UPF3B: variants seen among roughly 807,000 people sequenced by gnomAD.
UPF3B encodes the protein regulator of nonsense transcripts 3B.
Under a neutral mutation model 40.3 loss-of-function variants are expected in UPF3B, and 7 were observed. That is an observed-to-expected ratio of 0.17 (90% CI 0.10 to 0.33). UPF3B has a LOEUF of 0.33. Among genes scored for constraint, UPF3B ranks in the 10% least tolerant of loss-of-function variants. The pLI, the probability that UPF3B is intolerant of heterozygous loss-of-function variation, is 1.00. For missense variants in UPF3B, 229 were observed against 358.9 expected, an observed-to-expected ratio of 0.64 and a Z score of 2.93; for synonymous variants, 117 against 117.3, an observed-to-expected ratio of 1.00 and a Z score of 0.01.
rs771710846 is a variant in UPF3B, at chrX:119,842,670, A to C, written c.580+521T>G. On this transcript the variant is annotated intron_variant, in intron 5 of 10. Coordinates refer to ENST00000276201, the MANE Select transcript of UPF3B (RefSeq NM_080632.3). ...GAGCAAGCAAGCAAAAAAAACAAAC[A>C]AACAAACAAAAAAACCCCACATATT... Among the ~76,000 whole-genome samples the C allele has an allele frequency of 7.3e-5, 8 of 110,000 alleles. No homozygotes were observed. In the South Asian group the frequency reaches 3.1e-3, roughly 43 times the overall value.
At chrX:119,832,690 T>G, downstream of UPF3B, among the ~76,000 whole-genome samples, 1 of 111,342 alleles carries the variant, frequency 9.0e-6, no homozygotes, top group Non-Finnish European at 1.9e-5. Context: ...TAATAAATTT[T>G]TGTAGTATAA....
downstream of UPF3B, among the ~76,000 whole-genome samples, chrX:119,832,642 T>G (rs1246330647): frequency 9.0e-6 from 1 of 111,504 alleles, no homozygotes; most frequent in Non-Finnish European, 1.9e-5. Flanking sequence ...ATTTACCAAG[T>G]GTAATCTTGG....
At position 119,809,469 on chromosome X, in the gene UPF3B, C is replaced by T. The variant is rs749875590; in HGVS notation, c.603-1888G>A. ...GGCATGGTGACTCACCCCTGTAATC[C>T]CAGCACTTTGGGAAGCTGAGACTGG... On this transcript the variant is annotated intron_variant, in intron 5 of 6. Transcript: ENST00000636792. 1.8e-4 allele frequency among the ~76,000 whole-genome samples: 20 copies of T among 112,004 alleles called. No individual in the cohort carries two copies. The Admixed American group carries it at 1.8e-3, about 10-fold the overall frequency.
rs1369224722 is a variant in UPF3B at position 119,838,532 on chromosome X, A to C, written c.847-5T>G. On this transcript the variant is annotated splice_region_variant and splice_polypyrimidine_tract_variant and intron_variant, in intron 8 of 10. Transcript: ENST00000276201. ...TTTTTCTGGCTTCTTGAGCAGCTTT[A>C]AAGATAAAATGTTTATTTTTATTTT... is the stretch of plus-strand genomic sequence containing the variant. 8.3e-7 allele frequency: 1 copy of C among 1,208,176 alleles called. No individual in the cohort carries two copies. The highest frequency in any genetic ancestry group is 2.2e-5 in the Admixed American group (1 of 45,802).
chrX:119,844,396 A>G (rs933569316), intron 4 of UPF3B, among the ~76,000 whole-genome samples: 8 of 110,953 alleles, frequency 7.2e-5, no homozygotes, highest in African/African-American at 2.6e-4. Flanking sequence ...TGTGTAGCTA[A>G]TTGTATATCC....
rs185790485 is a variant in UPF3B, at chrX:119,849,401, G to A, written c.370+2094C>T. 4.6e-5 allele frequency among the ~76,000 whole-genome samples: 5 copies of A among 109,076 alleles called. No homozygotes were observed. In the South Asian group the frequency reaches 1.2e-3, roughly 26 times the overall value. The allele number at this position is 109,076 out of a possible 115,157, so 94.7% of individuals were successfully genotyped here. A position where few individuals can be genotyped will look rare whatever the true frequency, so the allele number is the denominator to read the frequency against. ...CAGCTAAGTCGGCAGGCTGAGGAAC[G>A]AGAATTGCTTGAACCCAGGAGGCGG... On this transcript the variant is annotated intron_variant, in intron 3 of 10. Coordinates refer to ENST00000276201, the MANE Select transcript of UPF3B (RefSeq NM_080632.3).
chrX:119,848,228 G>A (rs2056257875), intron 3 of UPF3B, among the ~76,000 whole-genome samples: 1 of 97,918 alleles, frequency 1.0e-5, no homozygotes, highest in Non-Finnish European at 2.0e-5. Context: ...GTTGCAGTGA[G>A]CTGAGATCGC....
chrX:119,821,082 C>T (rs1313459239), intron 4 of UPF3B, among the ~76,000 whole-genome samples: 1 of 111,500 alleles, frequency 9.0e-6, no homozygotes, highest in Non-Finnish European at 1.9e-5. Flanking sequence ...GCGGATCCCT[C>T]ATGGCTTGGT....
At chrX:119,807,052 G>GAAAA (rs1214036764) in intron 6 of UPF3B, among the ~76,000 whole-genome samples, 1 of 67,907 alleles carries the variant, frequency 1.5e-5, no homozygotes, top group East Asian at 4.7e-4. Flanking sequence ...AAAAAAAAAA[G>GAAAA]AAAAAAAAAA....
chrX:119,807,136 G>A (rs1030272451), intron 6 of UPF3B, among the ~76,000 whole-genome samples: 4 of 108,332 alleles, frequency 3.7e-5, no homozygotes, highest in South Asian at 3.9e-4. Flanking sequence ...CGTGTCATAC[G>A]TAATGAAGTC....
intron 4 of UPF3B, among the ~76,000 whole-genome samples, chrX:119,821,805 A>T (rs1160903377): frequency 3.6e-5 from 4 of 110,869 alleles, no homozygotes; most frequent in Admixed American, 2.9e-4. Flanking sequence ...CTCAAAAAAA[A>T]AACAAAAAAA....
At chrX:119,840,597 T>C in intron 8 of UPF3B, 49 bp downstream of exon 8, 1 of 1,131,919 alleles carries the variant, frequency 8.8e-7, no homozygotes. Flanking sequence ...CTAAGACCTG[T>C]GTGTGTGACA....
intron 5 of UPF3B, among the ~76,000 whole-genome samples, chrX:119,810,438 G>A (rs2055820074): frequency 1.8e-5 from 2 of 112,240 alleles, no homozygotes; most frequent in East Asian, 5.6e-4. Context: ...TACAATCGAA[G>A]TAATGGCTCC....
At chrX:119,841,310 C>T in intron 6 of UPF3B, 52 bp from the exon 7 acceptor site, 6 of 1,197,703 alleles carry the variant, frequency 5.0e-6, no homozygotes, top group Non-Finnish European at 6.7e-6. Context: ...ATCACCAAAA[C>T]CCTAATAAAT....
chrX:119,816,090 T>C (rs1159127866), intron 4 of UPF3B, among the ~76,000 whole-genome samples: 1 of 111,590 alleles, frequency 9.0e-6, no homozygotes, highest in Non-Finnish European at 1.9e-5. Context: ...CCTATAGTTA[T>C]TAAGGACATG....
intron 4 of UPF3B, among the ~76,000 whole-genome samples, chrX:119,819,144 C>T (rs1245340619): frequency 9.3e-6 from 1 of 106,959 alleles, no homozygotes; most frequent in African/African-American, 3.4e-5. Flanking sequence ...ACCTCTGCCT[C>T]CCAGGTTCAA....
chrX:119,806,781 A>AC (rs1199040003), intron 6 of UPF3B, among the ~76,000 whole-genome samples: 2 of 110,496 alleles, frequency 1.8e-5, no homozygotes, highest in Admixed American at 2.0e-4. Flanking sequence ...TAATCCCAGC[A>AC]CTTTGGAAGG....
At chrX:119,816,478 T>C (rs2055866456) in intron 4 of UPF3B, among the ~76,000 whole-genome samples, 1 of 111,561 alleles carries the variant, frequency 9.0e-6, no homozygotes, top group Non-Finnish European at 1.9e-5. Context: ...CAGTCAGTGA[T>C]TGGTACATGT....
At chrX:119,837,629 A>AT (rs2056112411) in intron 10 of UPF3B, 128 bp downstream of exon 10, 1 of 738,890 alleles carries the variant, frequency 1.4e-6, no homozygotes. Flanking sequence ...AAAAAAAAAA[A>AT]AAAAAAGTTG....
Sources: allele counts gnomAD v4.1 joint callset (sites outside exome capture counted in the v4.1 genomes callset), GRCh38; gene constraint gnomAD v4.1.1; transcripts MANE v1.5; gene names NCBI Gene and HGNC (gene_info 2026-07-23, HGNC 2026-07-21).